PLD5: variants seen among roughly 807,000 people sequenced by gnomAD.
PLD5 encodes inactive phospholipase D5.
In PLD5, 36 loss-of-function variants were observed where a neutral mutation model predicts 61.1. The observed-to-expected ratio is 0.59, with a 90% confidence interval of 0.45 to 0.78. PLD5 has a LOEUF of 0.78. Ranked by LOEUF, PLD5 falls within the 30% of genes least tolerant of loss-of-function variation. The pLI is 0.00. For synonymous variants in PLD5, 243 were observed against 242.8 expected, an observed-to-expected ratio of 1.00 and a Z score of -0.01; for missense variants, 515 against 644.4, an observed-to-expected ratio of 0.80 and a Z score of 2.17.
chr1:242,100,532 C>T (rs12135876), intron 9 of PLD5, 136 bp downstream of exon 9: 143,331 of 641,058 alleles, frequency 0.22, 17,155 homozygotes, highest in South Asian at 0.3. Context: ...CCTGTTTCCT[C>T]ATCTCCATTT....
intron 1 of PLD5, among the ~76,000 whole-genome samples, chr1:242,522,289 G>A (rs560490986): frequency 4.6e-5 from 7 of 152,146 alleles, no homozygotes; most frequent in Non-Finnish European, 7.4e-5. Context: ...ATGCTCACAC[G>A]CTTTCAAATA....
intron 2 of PLD5, among the ~76,000 whole-genome samples, chr1:242,343,631 G>C (rs12122353): frequency 0.88 from 132,338 of 150,646 alleles, 58,628 homozygotes; most frequent in Non-Finnish European, 0.94. Flanking sequence ...CTGGAGGAAT[G>C]TAGAACTGAA....
intron 2 of PLD5, among the ~76,000 whole-genome samples, chr1:242,338,994 C>T (rs1281905802): frequency 6.6e-6 from 1 of 152,132 alleles, no homozygotes; most frequent in Non-Finnish European, 1.5e-5. Flanking sequence ...TTTATTTTAA[C>T]AACTCCCTTG....
intron 1 of PLD5, among the ~76,000 whole-genome samples, chr1:242,395,304 G>A (rs77302618): frequency 0.02 from 3,043 of 151,906 alleles, 113 homozygotes; most frequent in East Asian, 0.11. Flanking sequence ...CTTCCCCTAC[G>A]AGGAACTTGT....
rs746774976 is a variant in PLD5, at chr1:242,507,295, C to T, written c.189+16793G>A. Among the ~76,000 whole-genome samples, 14 of 152,196 alleles carry T rather than the reference C, an allele frequency of 9.2e-5. 1 individual carries two copies. The highest frequency in any genetic ancestry group is 1.9e-4 in the Non-Finnish European group (13 of 68,036). On this transcript the variant is annotated intron_variant, in intron 1 of 9. Coordinates refer to ENST00000536534, the MANE Select transcript of PLD5 (RefSeq NM_001372062.1). ...TACCAGCAACCCTGAAATTCAATCT[C>T]ATATGGTACTTCATAAACTTTTGAG... is the stretch of plus-strand genomic sequence containing the variant.
At chr1:242,380,874 C>CGAT in intron 1 of PLD5, among the ~76,000 whole-genome samples, 1 of 152,076 alleles carries the variant, frequency 6.6e-6, no homozygotes. Flanking sequence ...GTCAGAATGG[C>CGAT]GATTATTAAA....
intron 5 of PLD5, among the ~76,000 whole-genome samples, chr1:242,175,401 C>G (rs1465917687): frequency 1.3e-5 from 2 of 152,122 alleles, no homozygotes; most frequent in African/African-American, 2.4e-5. Flanking sequence ...ATTCAACACC[C>G]CTTCATACTA....
At chr1:242,160,751 T>G (rs316843) in intron 5 of PLD5, among the ~76,000 whole-genome samples, 127,789 of 151,950 alleles carry the variant, frequency 0.84, 54,223 homozygotes, top group African/African-American at 0.95. Flanking sequence ...CGGGTGTGGT[T>G]GCACACGCCT....
At chr1:242,314,804 T>G (rs1247298431) in intron 2 of PLD5, among the ~76,000 whole-genome samples, 3 of 152,056 alleles carry the variant, frequency 2.0e-5, no homozygotes, top group Non-Finnish European at 4.4e-5. Context: ...TTTACTAATT[T>G]AACTCTGATC....
chr1:242,262,893 C>T (rs1673451363), intron 4 of PLD5, among the ~76,000 whole-genome samples: 1 of 151,936 alleles, frequency 6.6e-6, no homozygotes, highest in Non-Finnish European at 1.5e-5. Flanking sequence ...ATTAATAAAA[C>T]CCATTTTGAA....
Position 242,179,921 on chromosome 1 carries a change from A to AGTGTGTGTGT in PLD5, c.735+40057_735+40066dup, listed in dbSNP as rs4039792. 1.4e-3 allele frequency among the ~76,000 whole-genome samples: 209 copies of AGTGTGTGTGT among 150,550 alleles called. 1 individual carries two copies. Among genetic ancestry groups the AGTGTGTGTGT allele is most frequent in the African/African-American group, 4.8e-3 (199 of 41,044 alleles). On this transcript the variant is annotated intron_variant, in intron 5 of 9. Transcript: ENST00000536534. Reference sequence around the variant, plus strand: ...CTGTCTCAAAACAAAACCAAAATTGAGTGTGTGTGTGTGTGTGTGTGTGTG... The same window carrying AGTGTGTGTGT: ...CTGTCTCAAAACAAAACCAAAATTGAGTGTGTGTGTGTGTGTGTGTGTGTGTGTGTGTGTG...
In PLD5 at chr1:242,131,581, G is replaced by T. The variant is rs563183956; in HGVS notation, c.736-6916C>A. ...CCCATTTCACAGTAAGAAAACCGAG[G>T]TACAAAGAGATTAAGGGTCTTCAAG... On this transcript the variant is annotated intron_variant, in intron 5 of 9. Coordinates refer to ENST00000536534, the MANE Select transcript of PLD5 (RefSeq NM_001372062.1). Among the ~76,000 whole-genome samples the T allele has an allele frequency of 1.3e-5, 2 of 152,170 alleles. 1 individual carries two copies. The highest frequency in any genetic ancestry group is 4.2e-4 in the South Asian group (2 of 4,812).
At chr1:242,206,556 G>C (rs1669325753) in intron 5 of PLD5, among the ~76,000 whole-genome samples, 1 of 152,152 alleles carries the variant, frequency 6.6e-6, no homozygotes, top group Non-Finnish European at 1.5e-5. Context: ...CTGTTGACCA[G>C]AATAGTCAAT....
intron 1 of PLD5, among the ~76,000 whole-genome samples, chr1:242,512,426 A>AAG (rs1668955693): frequency 6.6e-6 from 1 of 151,564 alleles, no homozygotes; most frequent in Non-Finnish European, 1.5e-5. Context: ...AAAAAAAAAA[A>AAG]AAAAAAATAG....
At chr1:242,287,423 GA>G (rs1309974422) in intron 3 of PLD5, among the ~76,000 whole-genome samples, 1 of 152,202 alleles carries the variant, frequency 6.6e-6, no homozygotes, top group African/African-American at 2.4e-5. Context: ...GAAAAGTGTA[GA>G]ACACAGTTAG....
At chr1:242,523,710 A>T (rs1669352028) in intron 1 of PLD5, among the ~76,000 whole-genome samples, 1 of 152,198 alleles carries the variant, frequency 6.6e-6, no homozygotes, top group African/African-American at 2.4e-5. Context: ...AGACGCGGGC[A>T]AACGCCGCTC....
At chr1:242,102,197 T>C (rs2148671484) in intron 8 of PLD5, among the ~76,000 whole-genome samples, 1 of 152,358 alleles carries the variant, frequency 6.6e-6, no homozygotes, top group East Asian at 1.9e-4. Flanking sequence ...CACGTGTGAC[T>C]GTTTCCTTTT....
intron 1 of PLD5, among the ~76,000 whole-genome samples, chr1:242,437,525 T>G (rs944280400): frequency 5.9e-5 from 9 of 151,988 alleles, no homozygotes; most frequent in Non-Finnish European, 1.2e-4. Context: ...GGAAAAACCC[T>G]GTCTCTACTA....
At chr1:242,379,945 CATATT>C (rs768170425) in intron 1 of PLD5, among the ~76,000 whole-genome samples, 1 of 152,208 alleles carries the variant, frequency 6.6e-6, no homozygotes, top group East Asian at 1.9e-4. Flanking sequence ...TCCACACTAA[CATATT>C]AATGGGTATT....
Sources: allele counts gnomAD v4.1 joint callset (sites outside exome capture counted in the v4.1 genomes callset), GRCh38; gene constraint gnomAD v4.1.1; transcripts MANE v1.5; gene names NCBI Gene and HGNC (gene_info 2026-07-23, HGNC 2026-07-21).